TMEM132C: variants seen among roughly 807,000 people sequenced by gnomAD.
TMEM132C encodes the protein transmembrane protein 132C.
TMEM132C carries 29 observed loss-of-function variants against 61.4 expected under a neutral mutation model. The ratio of observed to expected loss-of-function variants is 0.47; its 90% confidence interval spans 0.35 to 0.64. TMEM132C has a LOEUF of 0.64. Ranked by LOEUF, TMEM132C falls within the 30% of genes least tolerant of loss-of-function variation. TMEM132C has a pLI of 0.00. For synonymous variants in TMEM132C, 656 were observed against 633.1 expected, an observed-to-expected ratio of 1.04 and a Z score of -0.54; for missense variants, 1,408 against 1,476.9, an observed-to-expected ratio of 0.95 and a Z score of 0.76.
intron 4 of TMEM132C, among the ~76,000 whole-genome samples, chr12:128,649,193 C>T (rs951529181): frequency 1.3e-5 from 2 of 152,222 alleles, no homozygotes; most frequent in African/African-American, 4.8e-5. Flanking sequence ...AGGGATTCCA[C>T]ACAGCCAAAG....
At position 128,412,366 on chromosome 12, in the gene TMEM132C, ACT is replaced by A. The variant is rs543882647; in HGVS notation, c.86-2363_86-2362del. On this transcript the variant is annotated intron_variant, in intron 1 of 8. Transcript: ENST00000435159. ...TCCCTGTTAATAACCAACCTTGTAG[ACT>A]CTGATTTCTTTTCATGTGAGTTCAT... is the stretch of plus-strand genomic sequence containing the variant. 7.2e-5 allele frequency among the ~76,000 whole-genome samples: 11 copies of A among 152,066 alleles called. No individual in the cohort carries two copies. In the East Asian group the frequency reaches 2.1e-3, roughly 29 times the overall value.
chr12:128,400,599 G>GT (rs5801795), intron 1 of TMEM132C, among the ~76,000 whole-genome samples: 2 of 140,782 alleles, frequency 1.4e-5, no homozygotes, highest in African/African-American at 2.6e-5. Flanking sequence ...CCATTCTTTT[G>GT]TTTTTTTTTT....
At chr12:128,397,710 G>T (rs1430592784) in intron 1 of TMEM132C, among the ~76,000 whole-genome samples, 1 of 152,058 alleles carries the variant, frequency 6.6e-6, no homozygotes, top group Non-Finnish European at 1.5e-5. Context: ...CACTCCTGCA[G>T]CGTGGAGTCC....
chr12:128,465,740 C>T (rs528667770), intron 2 of TMEM132C, among the ~76,000 whole-genome samples: 10 of 152,366 alleles, frequency 6.6e-5, no homozygotes, highest in Non-Finnish European at 8.8e-5. Flanking sequence ...AAAGAACACC[C>T]TCAAGGGTGG....
At chr12:128,328,570 C>T (rs897133505) in intron 1 of TMEM132C, among the ~76,000 whole-genome samples, 5 of 152,026 alleles carry the variant, frequency 3.3e-5, no homozygotes, top group Admixed American at 6.6e-5. Flanking sequence ...GGGTAGATCA[C>T]GAGGTCAGGA....
At chr12:128,596,165 C>G (rs113828778) in intron 3 of TMEM132C, among the ~76,000 whole-genome samples, 3,160 of 101,458 alleles carry the variant, frequency 0.031, 128 homozygotes, top group African/African-American at 0.11. Flanking sequence ...AGAGGTGGCA[C>G]GGCTTGACTG....
At chr12:128,659,695 G>A (rs548082440) in intron 4 of TMEM132C, among the ~76,000 whole-genome samples, 31 of 152,350 alleles carry the variant, frequency 2.0e-4, no homozygotes, top group African/African-American at 5.8e-4. Flanking sequence ...TGGATTAAGC[G>A]TCCTTAAGTG....
At chr12:128,456,333 TTGCACA>T (rs1207722325) in intron 2 of TMEM132C, among the ~76,000 whole-genome samples, 1 of 144,906 alleles carries the variant, frequency 6.9e-6, no homozygotes, top group Non-Finnish European at 1.5e-5. Flanking sequence ...CTACATTAAA[TTGCACA>T]GACCTTAATT....
intron 2 of TMEM132C, among the ~76,000 whole-genome samples, chr12:128,455,475 G>A (rs75200825): frequency 0.011 from 1,639 of 152,332 alleles, 19 homozygotes; most frequent in African/African-American, 0.037. Flanking sequence ...GAACCAGTAA[G>A]CAGGATGGGG....
chr12:128,525,928 C>T (rs1040062940), intron 2 of TMEM132C, among the ~76,000 whole-genome samples: 2 of 152,158 alleles, frequency 1.3e-5, no homozygotes, highest in Non-Finnish European at 2.9e-5. Flanking sequence ...AGCTCACAAT[C>T]CCAGATGGCA....
intron 3 of TMEM132C, among the ~76,000 whole-genome samples, chr12:128,589,365 C>T (rs1046480005): frequency 6.6e-6 from 1 of 151,962 alleles, no homozygotes; most frequent in African/African-American, 2.4e-5. Context: ...CCAGACCTCC[C>T]TCCATGCTCA....
At chr12:128,324,206 G>T (rs1872431181) in intron 1 of TMEM132C, among the ~76,000 whole-genome samples, 1 of 152,108 alleles carries the variant, frequency 6.6e-6, no homozygotes, top group Non-Finnish European at 1.5e-5. Flanking sequence ...GCAAATAGAG[G>T]GTTGCTTACC....
rs1870762354 is a variant in TMEM132C, at chr12:128,278,417, C to G, written c.85+10930C>G. 6.6e-6 allele frequency among the ~76,000 whole-genome samples: 1 copy of G among 152,294 alleles called. No individual in the cohort carries two copies. The highest frequency in any genetic ancestry group is 1.9e-4 in the East Asian group (1 of 5,176). The stretch of plus-strand genomic sequence containing the variant: ...TGTTTTCATCTGTCGTGTTCATATC[C>G]TATTAACTAAATGACGTTTCCTAGC... On this transcript the variant is annotated intron_variant, in intron 1 of 8. Transcript: ENST00000435159. This position sits in a 1 kb window ranked among gnomAD's most constrained non-coding sequence, Gnocchi z 4.2.
At chr12:128,586,017 A>G (rs1255513080) in intron 3 of TMEM132C, among the ~76,000 whole-genome samples, 1 of 152,072 alleles carries the variant, frequency 6.6e-6, no homozygotes, top group African/African-American at 2.4e-5. Context: ...TGAGGACTGT[A>G]CCCCTAAAAA....
intron 2 of TMEM132C, among the ~76,000 whole-genome samples, chr12:128,527,707 A>G (rs368849669): frequency 4.3e-4 from 64 of 147,194 alleles, no homozygotes; most frequent in South Asian, 8.8e-4. Flanking sequence ...ATGTGCATGT[A>G]TGTGTGTGTG....
intron 3 of TMEM132C, among the ~76,000 whole-genome samples, chr12:128,589,542 T>C (rs943242094): frequency 2.2e-5 from 3 of 139,252 alleles, no homozygotes; most frequent in African/African-American, 7.8e-5. Flanking sequence ...AGTTACCTTC[T>C]CTCGATAGCG....
intron 3 of TMEM132C, among the ~76,000 whole-genome samples, chr12:128,547,614 G>T (rs78126959): frequency 0.018 from 2,662 of 151,470 alleles, 75 homozygotes; most frequent in African/African-American, 0.062. Flanking sequence ...TTTGCATTTA[G>T]GTGAGTCACC....
chr12:128,500,806 A>G (rs1394293385), intron 2 of TMEM132C, among the ~76,000 whole-genome samples: 1 of 152,216 alleles, frequency 6.6e-6, no homozygotes, highest in Admixed American at 6.5e-5. Flanking sequence ...TTATCACATG[A>G]TTTAGTAGTT....
intron 2 of TMEM132C, among the ~76,000 whole-genome samples, chr12:128,462,188 C>T (rs1870554569): frequency 6.6e-6 from 1 of 152,172 alleles, no homozygotes; most frequent in African/African-American, 2.4e-5. Context: ...TCACTGCAAC[C>T]TCCACCTCCT....
Sources: allele counts gnomAD v4.1 joint callset (sites outside exome capture counted in the v4.1 genomes callset), GRCh38; gene constraint gnomAD v4.1.1; non-coding constraint Gnocchi (gnomAD v3.1); transcripts MANE v1.5; gene names NCBI Gene and HGNC (gene_info 2026-07-23, HGNC 2026-07-21).